NWD2: variants seen among roughly 807,000 people sequenced by gnomAD.
NWD2 encodes the protein NACHT and WD repeat domain-containing protein 2.
Under a neutral mutation model 132.7 loss-of-function variants are expected in NWD2, and 37 were observed. That is an observed-to-expected ratio of 0.28 (90% CI 0.21 to 0.37). The LOEUF (loss-of-function observed/expected upper bound fraction) is 0.37. NWD2 is among the 10% of genes least tolerant of loss of function. The pLI is 1.00. For synonymous variants in NWD2, 705 were observed against 803.0 expected (o/e 0.88, Z 2.06); for missense variants, 1,592 against 2,122.4 (o/e 0.75, Z 4.91).
At chr4:37,258,287 C>G (rs1464195568) in intron 1 of NWD2, among the ~76,000 whole-genome samples, 2 of 152,202 alleles carry the variant, frequency 1.3e-5, no homozygotes, top group African/African-American at 4.8e-5. Context: ...ATGACCCAAC[C>G]AACTTTCACT....
intron 1 of NWD2, among the ~76,000 whole-genome samples, chr4:37,295,543 G>A (rs772894666): frequency 1.3e-5 from 2 of 152,144 alleles, no homozygotes; most frequent in Non-Finnish European, 2.9e-5. Context: ...CCTTGATTCT[G>A]TCTGTCTTCC....
chr4:37,360,712 T>C (rs1188003630), intron 3 of NWD2, among the ~76,000 whole-genome samples: 1 of 152,184 alleles, frequency 6.6e-6, no homozygotes, highest in Admixed American at 6.6e-5. Flanking sequence ...TAGAAAATCC[T>C]TTTGTAGAGG....
intron 1 of NWD2, among the ~76,000 whole-genome samples, chr4:37,308,854 CTG>C (rs1718769400): frequency 6.6e-6 from 1 of 151,344 alleles, no homozygotes; most frequent in Non-Finnish European, 1.5e-5. Flanking sequence ...TGCAAGCACA[CTG>C]TGGCTTCCCC....
At chr4:37,299,265 C>T (rs978358267) in intron 1 of NWD2, among the ~76,000 whole-genome samples, 5 of 152,104 alleles carry the variant, frequency 3.3e-5, no homozygotes, top group Non-Finnish European at 1.5e-5. Context: ...TGCCCCACCT[C>T]GGCAAATTCA....
chr4:37,429,390 C>G (rs370168729), intron 3 of NWD2, among the ~76,000 whole-genome samples: 28 of 152,244 alleles, frequency 1.8e-4, no homozygotes, highest in African/African-American at 6.7e-4. Flanking sequence ...TCTTGGCTCA[C>G]TGAAACCTCC....
At position 37,447,266 on chromosome 4, in the gene NWD2, GA is replaced by G. The variant is rs201146818; in HGVS notation, c.*56del. The G allele has an allele frequency of 0.029, 40,138 of 1,360,900 alleles. 712 individuals are homozygous for G. Among genetic ancestry groups the G allele is most frequent in the Middle Eastern group, 0.067 (330 of 4,938 alleles). 84.3% of individuals were successfully genotyped at this position (1,360,900 alleles called of 1,614,324 possible). A position where few individuals can be genotyped will look rare whatever the true frequency, so the allele number is the denominator to read the frequency against. Reference sequence around the variant, plus strand: ...AAATATGTGATCCACGTACAGAAGGGAAAAAAATGTGCCCCAAATGATAAAC... The same window carrying G: ...AAATATGTGATCCACGTACAGAAGGGAAAAAATGTGCCCCAAATGATAAAC... On this transcript the variant is annotated 3_prime_UTR_variant, in exon 7 of 7. Coordinates refer to ENST00000309447, the MANE Select transcript of NWD2 (RefSeq NM_001144990.2).
chr4:37,447,952 T>C lies in NWD2; in HGVS notation c.*735T>C, dbSNP rs1466741250. On this transcript the variant is annotated 3_prime_UTR_variant, in exon 7 of 7. Coordinates refer to ENST00000309447, the MANE Select transcript of NWD2 (RefSeq NM_001144990.2). ...TTCCTGGGTTGCAAAAGAACACATT[T>C]AGTAAGAAACAACAATCTTTTCGCA... 6.6e-6 allele frequency: 1 copy of C among 152,220 alleles called. No individual in the cohort carries two copies. Among genetic ancestry groups the C allele is most frequent in the Admixed American group, 6.5e-5 (1 of 15,288 alleles). The allele number at this position is 152,220 out of a possible 1,614,324, so 9.4% of individuals were successfully genotyped here.
At chr4:37,362,820 T>A (rs915914022) in intron 3 of NWD2, among the ~76,000 whole-genome samples, 1 of 152,092 alleles carries the variant, frequency 6.6e-6, no homozygotes. Flanking sequence ...TGGTACCTAA[T>A]AAAACTAAAC....
chr4:37,268,093 CA>C (rs1261332506), intron 1 of NWD2, among the ~76,000 whole-genome samples: 1 of 151,884 alleles, frequency 6.6e-6, no homozygotes, highest in African/African-American at 2.4e-5. Flanking sequence ...CCAGAAACAT[CA>C]AACTACTCTC....
intron 3 of NWD2, among the ~76,000 whole-genome samples, chr4:37,380,566 A>G (rs1335531992): frequency 6.6e-6 from 1 of 152,230 alleles, no homozygotes; most frequent in Non-Finnish European, 1.5e-5. Context: ...TACCCATAGT[A>G]TGCCTTAAAT....
At chr4:37,307,912 A>T (rs548245566) in intron 1 of NWD2, among the ~76,000 whole-genome samples, 53 of 151,902 alleles carry the variant, frequency 3.5e-4, no homozygotes, top group African/African-American at 1.2e-3. Flanking sequence ...TTGATTTTTT[A>T]AAAAAATGGA....
intron 2 of NWD2, 28 bp from the exon 3 acceptor site, chr4:37,356,338 C>T (rs190456574): frequency 0.011 from 14,296 of 1,257,170 alleles, 96 homozygotes; most frequent in Non-Finnish European, 0.014. Flanking sequence ...CACATGTAAA[C>T]TAATGCTCTT....
chr4:37,373,635 A>G (rs955148057), intron 3 of NWD2, among the ~76,000 whole-genome samples: 7 of 152,232 alleles, frequency 4.6e-5, no homozygotes, highest in Non-Finnish European at 1.0e-4. Flanking sequence ...AGTGATGAGT[A>G]GAAGACCCAA....
chr4:37,332,779 G>A (rs372868925), intron 2 of NWD2, among the ~76,000 whole-genome samples: 6 of 152,252 alleles, frequency 3.9e-5, no homozygotes, highest in East Asian at 1.9e-4. Context: ...AGCACCAAGC[G>A]GGCTCTTGGG....
intron 3 of NWD2, among the ~76,000 whole-genome samples, chr4:37,421,372 C>G (rs1015204539): frequency 6.6e-6 from 1 of 152,214 alleles, no homozygotes. Flanking sequence ...CTCTTTCACC[C>G]TTATGGCTGT....
rs74952807 is a variant in NWD2, at chr4:37,426,528, A to G, written c.358-4044A>G. Among the ~76,000 whole-genome samples, 766 of 152,322 alleles carry G rather than the reference A, an allele frequency of 5.0e-3. 18 individuals carry two copies. Among genetic ancestry groups the G allele is most frequent in the East Asian group, 0.035 (183 of 5,184 alleles). ...TTAAATAATTACAGTATTTGGTGCCAGGTGCTCAACTGAAAGAAATTATTA... is the reference window on the plus strand; with the variant it reads ...TTAAATAATTACAGTATTTGGTGCCGGGTGCTCAACTGAAAGAAATTATTA... On this transcript the variant is annotated intron_variant, in intron 3 of 6. Transcript: ENST00000309447.
chr4:37,272,822 T>C (rs1182672057), intron 1 of NWD2, among the ~76,000 whole-genome samples: 2 of 151,812 alleles, frequency 1.3e-5, no homozygotes, highest in Non-Finnish European at 2.9e-5. Flanking sequence ...TTTTTCTGTT[T>C]CTTACAGCAA....
chr4:37,326,352 A>G (rs1205198766), intron 2 of NWD2, among the ~76,000 whole-genome samples: 3 of 152,160 alleles, frequency 2.0e-5, no homozygotes, highest in Admixed American at 6.6e-5. Flanking sequence ...TATGGTTTCT[A>G]GAAATATTTT....
At chr4:37,297,982 G>T (rs934595518) in intron 1 of NWD2, among the ~76,000 whole-genome samples, 1 of 152,118 alleles carries the variant, frequency 6.6e-6, no homozygotes, top group Non-Finnish European at 1.5e-5. Context: ...GTTGAACAAA[G>T]ATGTTTCTTG....
Sources: gnomAD v4.1 joint callset for allele counts (sites outside exome capture counted in the v4.1 genomes callset) on GRCh38, gnomAD v4.1.1 for gene constraint, MANE v1.5 for transcripts, NCBI Gene and HGNC (gene_info 2026-07-23, HGNC 2026-07-21) for gene names.